The following VILL variants were observed in gnomAD, a reference collection of about 807,000 sequenced individuals.
VILL encodes the protein villin-like protein.
In VILL, 102 loss-of-function variants were observed where a neutral mutation model predicts 106.3. The observed-to-expected ratio is 0.96, with a 90% CI of 0.82 to 1.13. The LOEUF is 1.13. VILL is among the 50% of genes most tolerant of loss of function. The pLI is 0.00. For synonymous variants in VILL, 431 were observed against 440.3 expected (o/e 0.98, Z 0.27); for missense variants, 1,076 against 1,116.6 (o/e 0.96, Z 0.52).
rs952927052 is a variant in VILL, at chr3:38,006,790, C to T, written c.2457+90C>T. 4 of 1,537,404 alleles carry T rather than the reference C, an allele frequency of 2.6e-6. No individual in the cohort carries two copies. In the African/African-American group the frequency reaches 4.1e-5, roughly 16 times the overall value. On this transcript the variant is annotated intron_variant, in intron 19 of 19. Coordinates refer to ENST00000383759, the MANE Select transcript of VILL (RefSeq NM_015873.4). Reference sequence around the variant, plus strand: ...GGATCCACTGGTGGCGGGCAGTGGGCAACTGCCCCGGGAGATGTGTCTTCT... The same window carrying T: ...GGATCCACTGGTGGCGGGCAGTGGGTAACTGCCCCGGGAGATGTGTCTTCT...
intron 11 of VILL, chr3:38,001,189 G>T: frequency 1.7e-6 from 1 of 573,152 alleles, no homozygotes; most frequent in Non-Finnish European, 3.1e-6. Flanking sequence ...TGGTGGGGTT[G>T]GGACTAGGGC....
In VILL at chr3:37,994,574, G is replaced by T. The variant is rs57113595; in HGVS notation, c.341+108G>T. ...CATCCCTGAATGGGGCAAGCCGGGA[G>T]GGGTTGGGTAACACCTTTATTGAGA... On this transcript the variant is annotated intron_variant, in intron 4 of 19. Coordinates refer to ENST00000383759, the MANE Select transcript of VILL (RefSeq NM_015873.4). The T allele has an allele frequency of 1.2e-3, 1,520 of 1,321,036 alleles. 13 individuals are homozygous for T. The African/African-American group carries it at 0.021, about 18-fold the overall frequency. 81.8% of individuals were successfully genotyped at this position (1,321,036 alleles called of 1,614,324 possible). A position where few individuals can be genotyped will look rare whatever the true frequency, so the allele number is the denominator to read the frequency against.
At chr3:37,999,853 C>T (rs1485318505) in intron 11 of VILL, among the ~76,000 whole-genome samples, 1 of 152,264 alleles carries the variant, frequency 6.6e-6, no homozygotes, top group Non-Finnish European at 1.5e-5. Flanking sequence ...AACCATCAAT[C>T]CGCAGAGACA....
At chr3:37,995,671 C>G in intron 4 of VILL, 68 bp from the exon 5 acceptor site, 1 of 1,325,960 alleles carries the variant, frequency 7.5e-7, no homozygotes, top group Non-Finnish European at 1.1e-6. Flanking sequence ...TGCAGTCATT[C>G]ATGCACATGG....
rs137954473 is a variant in VILL at position 37,993,206 on chromosome 3, G to A, written c.-86-381G>A. 9.5e-3 allele frequency among the ~76,000 whole-genome samples: 1,450 copies of A among 152,240 alleles called. 22 individuals carry two copies. The highest frequency in any genetic ancestry group is 0.013 in the Non-Finnish European group (914 of 68,026). ...TCTCATTCTCTCCCTCTCTGCACGC[G>A]CAGAACCACAGAGCACAGACTCGAG... On this transcript the variant is annotated intron_variant, in intron 1 of 19. Coordinates refer to ENST00000383759, the MANE Select transcript of VILL (RefSeq NM_015873.4).
chr3:38,000,691 T>G (rs928807), intron 11 of VILL, among the ~76,000 whole-genome samples: 41,556 of 152,060 alleles, frequency 0.27, 6,778 homozygotes, highest in African/African-American at 0.46. Flanking sequence ...TGCCCGGTAA[T>G]TGCCACTGTT....
At chr3:38,002,177 G>A (rs902794356) in intron 13 of VILL, 11 of 634,680 alleles carry the variant, frequency 1.7e-5, no homozygotes, top group African/African-American at 1.5e-4. Context: ...CAGAGATGGG[G>A]GGAAAGGTCC....
chr3:38,005,151 T>C (rs1699891908), intron 16 of VILL, among the ~76,000 whole-genome samples: 1 of 152,036 alleles, frequency 6.6e-6, no homozygotes, highest in Admixed American at 6.5e-5. Flanking sequence ...TGTGGGGCCG[T>C]GTCTACAGCA....
At chr3:38,006,078 G>T in intron 17 of VILL, 103 bp from the exon 18 acceptor site, 1 of 1,594,606 alleles carries the variant, frequency 6.3e-7, no homozygotes, top group Non-Finnish European at 8.6e-7. Flanking sequence ...GGGATTGCCA[G>T]TGTGTGCGAG....
chr3:38,004,192 C>T (rs1699871551), intron 15 of VILL, 63 bp from the exon 16 acceptor site: 1 of 1,556,906 alleles, frequency 6.4e-7, no homozygotes, highest in South Asian at 1.2e-5. Flanking sequence ...GGGTGGGGCA[C>T]TTGTGCCATG....
At chr3:38,006,853 G>C in intron 19 of VILL, 89 bp from the exon 20 acceptor site, 1 of 1,514,610 alleles carries the variant, frequency 6.6e-7, no homozygotes. Flanking sequence ...GGAGTCCCAA[G>C]CCCTGGATGA....
At chr3:37,991,201 C>T (rs1007436784) in intron 1 of VILL, 2 of 152,536 alleles carry the variant, frequency 1.3e-5, no homozygotes, top group African/African-American at 4.8e-5. Flanking sequence ...CAAAGGTACC[C>T]ACAAAAGAAG....
At chr3:37,995,667 C>A in intron 4 of VILL, 72 bp from the exon 5 acceptor site, 1 of 1,282,814 alleles carries the variant, frequency 7.8e-7, no homozygotes, top group Non-Finnish European at 1.1e-6. Flanking sequence ...CATCTGCAGT[C>A]ATTCATGCAC....
chr3:37,988,481 C>T (rs758333310), upstream of VILL, among the ~76,000 whole-genome samples: 1 of 152,144 alleles, frequency 6.6e-6, no homozygotes, highest in South Asian at 2.1e-4. Flanking sequence ...GCAGAGTTTC[C>T]GTTTTGTAAG....
chr3:37,999,295 GGGGGGGCAGA>G, intron 10 of VILL, 34 bp from the exon 11 acceptor site: 1 of 1,433,484 alleles, frequency 7.0e-7, no homozygotes, highest in Non-Finnish European at 9.3e-7. Flanking sequence ...ATGGTGTTGG[GGGGGGGCAGA>G]GGGCGCCACT....
At position 37,997,595 on chromosome 3, in the gene VILL, C is replaced by G; in HGVS notation, c.674C>G (p.Ala225Gly). 4 of 1,613,682 alleles carry G rather than the reference C, an allele frequency of 2.5e-6. No individual in the cohort carries two copies. Among genetic ancestry groups the G allele is most frequent in the Non-Finnish European group, 3.4e-6 (4 of 1,179,900 alleles). The change falls in exon 7 of 20, where the codon GCT becomes GGT. Residue 225 changes from alanine to glycine, a missense_variant. Coordinates refer to ENST00000383759, the MANE Select transcript of VILL (RefSeq NM_015873.4). This position sits in a 1 kb window ranked among gnomAD's most constrained non-coding sequence, Gnocchi z 4.7. The part of the protein sequence containing the change: ...KAPDLMQIME[A>G]VLGRRVGSLR... ...CCGGACCTCATGCAGATCATGGAGG[C>G]TGTGCTGGGCCGCAGGGTGGGCAGC...
At chr3:38,006,395 C>A in intron 18 of VILL, 54 bp from the exon 19 acceptor site, 1 of 1,582,676 alleles carries the variant, frequency 6.3e-7, no homozygotes. Context: ...GTGCAGCCTC[C>A]CTGTGGGCTA....
intron 16 of VILL, 147 bp from the exon 17 acceptor site, chr3:38,005,645 G>C: frequency 1.3e-6 from 1 of 784,918 alleles, no homozygotes; most frequent in South Asian, 1.9e-5. Flanking sequence ...GGGTGTGTGG[G>C]TACAGCCGCT....
chr3:38,000,725 C>T (rs1054283080), intron 11 of VILL, among the ~76,000 whole-genome samples: 12 of 152,200 alleles, frequency 7.9e-5, no homozygotes, highest in African/African-American at 2.9e-4. Flanking sequence ...TCAAGTCAGC[C>T]ACTTTTGTGA....
Sources: allele counts gnomAD v4.1 joint callset (sites outside exome capture counted in the v4.1 genomes callset), GRCh38; gene constraint gnomAD v4.1.1; non-coding constraint Gnocchi (gnomAD v3.1); transcripts MANE v1.5; gene names NCBI Gene and HGNC (gene_info 2026-07-23, HGNC 2026-07-21).